Variants in ZYG11B observed in about 807,000 individuals in gnomAD.
ZYG11B encodes protein zyg-11 homolog B.
A neutral mutation model predicts 82.4 loss-of-function variants in ZYG11B; 36 were observed. The ratio of observed to expected loss-of-function variants is 0.44; its 90% CI spans 0.33 to 0.58. The LOEUF (loss-of-function observed/expected upper bound fraction) is 0.58, where lower values mean the gene tolerates loss of function less well. ZYG11B is among the 20% of genes least tolerant of loss of function. The pLI, the probability that ZYG11B is intolerant of heterozygous loss-of-function variation, is 0.02. For synonymous variants in ZYG11B, 303 were observed against 312.8 expected, an observed-to-expected ratio of 0.97 and a Z score of 0.33; for missense variants, 552 against 895.6, an observed-to-expected ratio of 0.62 and a Z score of 4.90.
In ZYG11B at chr1:52,771,414, A is replaced by C. The variant is rs375236655; in HGVS notation, c.591A>C (p.Ser197=). The C allele has an allele frequency of 6.2e-7, 1 of 1,614,142 alleles. No individual in the cohort carries two copies. Among genetic ancestry groups the C allele is most frequent in the Non-Finnish European group, 8.5e-7 (1 of 1,180,048 alleles). ...RLESLDISNT[S]ITDITALLAC... is the part of the protein sequence containing the mutation. ...AGAGCTTGGATATTTCTAACACCTC[A>C]ATCACAGACATCACTGCTCTACTGG... is the stretch of plus-strand genomic sequence containing the variant. Residue 197 remains serine (S), a synonymous_variant, in exon 3 of 14, where the codon TCA becomes TCC. Coordinates refer to ENST00000294353, the MANE Select transcript of ZYG11B (RefSeq NM_024646.3). The surrounding 1 kb of genome is among the most constrained non-coding windows in gnomAD (Gnocchi z 5.4).
intron 6 of ZYG11B, among the ~76,000 whole-genome samples, chr1:52,794,139 T>A (rs1426455511): frequency 6.6e-6 from 1 of 152,012 alleles, no homozygotes; most frequent in East Asian, 1.9e-4. Flanking sequence ...CACACCCAGC[T>A]AATTTTTTGT....
chr1:52,783,178 C>T (rs1030655668), intron 4 of ZYG11B, among the ~76,000 whole-genome samples: 12 of 151,976 alleles, frequency 7.9e-5, no homozygotes, highest in African/African-American at 1.4e-4. Flanking sequence ...CCACCTGCCT[C>T]GGCCTCCCAA....
chr1:52,770,692 C>A (rs1644742743), intron 2 of ZYG11B, among the ~76,000 whole-genome samples: 1 of 152,198 alleles, frequency 6.6e-6, no homozygotes, highest in Non-Finnish European at 1.5e-5. Flanking sequence ...TTGGCCAGAA[C>A]TAGGCACATG....
intron 3 of ZYG11B, among the ~76,000 whole-genome samples, chr1:52,778,092 G>A (rs946850486): frequency 6.6e-6 from 1 of 152,152 alleles, no homozygotes. Flanking sequence ...ACCCAACCAT[G>A]TCCTTTCATT....
At chr1:52,803,203 T>TAC (rs1186109870) in intron 10 of ZYG11B, among the ~76,000 whole-genome samples, 1 of 83,376 alleles carries the variant, frequency 1.2e-5, no homozygotes, top group Non-Finnish European at 1.9e-5. Flanking sequence ...TATATATATA[T>TAC]ACACACACAT....
chr1:52,798,676 A>G (rs1317491336), intron 8 of ZYG11B, among the ~76,000 whole-genome samples: 4 of 152,198 alleles, frequency 2.6e-5, no homozygotes, highest in Admixed American at 6.5e-5. Flanking sequence ...TAGAAAATGT[A>G]GAGACTCTGT....
At chr1:52,797,519 T>A (rs146908288) in intron 8 of ZYG11B, among the ~76,000 whole-genome samples, 16,627 of 136,262 alleles carry the variant, frequency 0.12, 2,037 homozygotes, top group East Asian at 0.51. Context: ...ATATATATAT[T>A]TTTTTTTAGA....
chr1:52,769,027 A>G (rs566704979), intron 2 of ZYG11B, among the ~76,000 whole-genome samples: 96 of 152,162 alleles, frequency 6.3e-4, no homozygotes, highest in African/African-American at 2.3e-3. Context: ...TTTTTGTGAT[A>G]CTTTATACTT....
At chr1:52,760,034 A>G (rs956384527) in intron 2 of ZYG11B, among the ~76,000 whole-genome samples, 2 of 152,062 alleles carry the variant, frequency 1.3e-5, no homozygotes, top group Non-Finnish European at 2.9e-5. Flanking sequence ...GGATTTCACT[A>G]TGTTGGCCAG....
intron 1 of ZYG11B, among the ~76,000 whole-genome samples, chr1:52,734,405 G>A (rs1042621090): frequency 1.3e-5 from 2 of 150,898 alleles, no homozygotes; most frequent in Non-Finnish European, 2.9e-5. Flanking sequence ...TTTAATAAGC[G>A]GTAGAAATAG....
intron 13 of ZYG11B, among the ~76,000 whole-genome samples, chr1:52,817,248 C>T (rs1388978140): frequency 5.3e-5 from 8 of 152,070 alleles, no homozygotes; most frequent in Admixed American, 5.2e-4. Context: ...TAAGTAGATC[C>T]ACTGTTTATG....
At chr1:52,788,901 G>A (rs1644934413) in intron 5 of ZYG11B, among the ~76,000 whole-genome samples, 1 of 152,128 alleles carries the variant, frequency 6.6e-6, no homozygotes. Flanking sequence ...TACTTCTATG[G>A]ATCCTGTACA....
intron 4 of ZYG11B, among the ~76,000 whole-genome samples, chr1:52,782,339 G>A (rs718594): frequency 0.11 from 16,044 of 151,650 alleles, 1,884 homozygotes; most frequent in East Asian, 0.35. Flanking sequence ...TGATTCTCCC[G>A]CTTTGGCCTC....
intron 3 of ZYG11B, among the ~76,000 whole-genome samples, chr1:52,775,716 G>A (rs1402514479): frequency 6.6e-6 from 1 of 151,666 alleles, no homozygotes; most frequent in Non-Finnish European, 1.5e-5. Flanking sequence ...ACAACAAAAA[G>A]ATATCTGTTA....
intron 2 of ZYG11B, among the ~76,000 whole-genome samples, chr1:52,767,119 T>A (rs1571762158): frequency 1.6e-5 from 2 of 123,290 alleles, no homozygotes; most frequent in Non-Finnish European, 3.0e-5. Flanking sequence ...ATGTTGTTAT[T>A]TTATTTTATT....
At chr1:52,758,473 A>G (rs1644599232) in intron 2 of ZYG11B, among the ~76,000 whole-genome samples, 1 of 152,118 alleles carries the variant, frequency 6.6e-6, no homozygotes, top group Non-Finnish European at 1.5e-5. Flanking sequence ...ACTGCAAGTA[A>G]ATAGTGGAGT....
At chr1:52,789,369 A>C (rs953137715) in intron 5 of ZYG11B, among the ~76,000 whole-genome samples, 1 of 152,204 alleles carries the variant, frequency 6.6e-6, no homozygotes, top group Non-Finnish European at 1.5e-5. Flanking sequence ...CCAAATAAAA[A>C]AATTTTAGTA....
rs1345137844 is a variant in ZYG11B at position 52,826,555 on chromosome 1, G to A, written c.*4926G>A. ...GTACACTCCTAATTATGCATTCTTTGGTTTCCAAATCTTAATCTAAGATAC... is the reference window on the plus strand; with the variant it reads ...GTACACTCCTAATTATGCATTCTTTAGTTTCCAAATCTTAATCTAAGATAC... On this transcript the variant is annotated 3_prime_UTR_variant, in exon 14 of 14. Transcript: ENST00000294353. The A allele has an allele frequency of 6.6e-6, 1 of 152,046 alleles. No individual in the cohort carries two copies. The highest frequency in any genetic ancestry group is 2.4e-5 in the African/African-American group (1 of 41,402). The allele number at this position is 152,046 out of a possible 1,614,324, so 9.4% of individuals were successfully genotyped here. A position where few individuals can be genotyped will look rare whatever the true frequency, so the allele number is the denominator to read the frequency against.
At chr1:52,741,031 C>T (rs939811294) in intron 1 of ZYG11B, among the ~76,000 whole-genome samples, 1 of 151,704 alleles carries the variant, frequency 6.6e-6, no homozygotes, top group African/African-American at 2.4e-5. Context: ...GGCGGGGTGG[C>T]TCATGCCTGT....
Sources: gnomAD v4.1 joint callset for allele counts (sites outside exome capture counted in the v4.1 genomes callset) on GRCh38, gnomAD v4.1.1 for gene constraint, Gnocchi (gnomAD v3.1) non-coding constraint, MANE v1.5 for transcripts, NCBI Gene and HGNC (gene_info 2026-07-23, HGNC 2026-07-21) for gene names.